BRINP3: variants seen among roughly 807,000 people sequenced by gnomAD.
BRINP3 encodes BMP/retinoic acid-inducible neural-specific protein 3.
A neutral mutation model predicts 71.0 loss-of-function variants in BRINP3; 19 were observed. The ratio of observed to expected loss-of-function variants is 0.27; its 90% confidence interval spans 0.19 to 0.39. BRINP3 has a LOEUF of 0.39. Ranked by LOEUF, BRINP3 falls within the 10% of genes least tolerant of loss-of-function variation. The pLI, the probability that BRINP3 is intolerant of heterozygous loss-of-function variation, is 1.00. For missense variants in BRINP3, 959 were observed against 940.8 expected, an observed-to-expected ratio of 1.02 and a Z score of -0.25; for synonymous variants, 380 against 337.7, an observed-to-expected ratio of 1.13 and a Z score of -1.37.
At chr1:190,144,249 C>T (rs932965963) in intron 7 of BRINP3, among the ~76,000 whole-genome samples, 1 of 152,122 alleles carries the variant, frequency 6.6e-6, no homozygotes, top group Non-Finnish European at 1.5e-5. Flanking sequence ...TCCCCCAGTG[C>T]TCATATAAAA....
chr1:190,396,705 AAT>A (rs1328417018), intron 2 of BRINP3, among the ~76,000 whole-genome samples: 1 of 76,328 alleles, frequency 1.3e-5, no homozygotes, highest in African/African-American at 5.4e-5. Context: ...ATGCATTCCT[AAT>A]TTAATGATAT....
chr1:190,131,520 G>A (rs887783259), intron 7 of BRINP3, among the ~76,000 whole-genome samples: 4 of 151,932 alleles, frequency 2.6e-5, no homozygotes, highest in Admixed American at 1.3e-4. Context: ...AGTCTACAAG[G>A]TCTGTCTATT....
chr1:190,143,346 C>A (rs894401500), intron 7 of BRINP3, among the ~76,000 whole-genome samples: 2 of 152,106 alleles, frequency 1.3e-5, no homozygotes, highest in Admixed American at 1.3e-4. Context: ...GAAACAGATG[C>A]AGAAAATGTA....
At chr1:190,338,782 A>G (rs1168648163) in intron 2 of BRINP3, among the ~76,000 whole-genome samples, 1 of 151,930 alleles carries the variant, frequency 6.6e-6, no homozygotes, top group African/African-American at 2.4e-5. Context: ...ATGTAAGATA[A>G]TGTAATTTTA....
rs537981554 is a variant in BRINP3, at chr1:190,098,492, G to C, written c.1827C>G (p.Asn609Lys). The C allele has an allele frequency of 6.2e-7, 1 of 1,614,130 alleles. No homozygotes were observed. The highest frequency in any genetic ancestry group is 1.1e-5 in the South Asian group (1 of 91,088). ...TKLDLPLQCYNWTLTLGNKWK... is the reference protein window; with the variant it reads ...TKLDLPLQCYKWTLTLGNKWK... ...ATTTGTTCCCCAGAGTTAATGTCCA[G>C]TTATAACACTGCAGGGGTAGGTCCA... is the stretch of plus-strand genomic sequence containing the variant. The change falls in exon 8 of 8, where the codon AAC becomes AAG. Residue 609 changes from asparagine (N) to lysine (K), a missense_variant. Coordinates refer to ENST00000367462, the MANE Select transcript of BRINP3 (RefSeq NM_199051.3).
At chr1:190,267,642 C>T (rs554371290) in intron 3 of BRINP3, among the ~76,000 whole-genome samples, 1 of 152,010 alleles carries the variant, frequency 6.6e-6, no homozygotes, top group African/African-American at 2.4e-5. Context: ...TAGCTTCTTT[C>T]AGGAGAAAAA....
chr1:190,323,791 T>C (rs1239406490), intron 2 of BRINP3, among the ~76,000 whole-genome samples: 1 of 151,830 alleles, frequency 6.6e-6, no homozygotes, highest in Non-Finnish European at 1.5e-5. Flanking sequence ...ACCAAAGATA[T>C]TGTAAGAGAA....
rs1675606069 is a variant in BRINP3, at chr1:190,451,518, TA to T, written c.236+3136del. Among the ~76,000 whole-genome samples, 3 of 151,848 alleles carry T rather than the reference TA, an allele frequency of 2.0e-5. No individual in the cohort carries two copies. The South Asian group carries it at 6.3e-4, about 32-fold the overall frequency. On this transcript the variant is annotated intron_variant, in intron 2 of 7. Transcript: ENST00000367462. The stretch of plus-strand genomic sequence containing the variant: ...TGTCCCCCTGTTCTATGCGGCAGAG[TA>T]GACAAAATTTCTCCAGGAATAGCTC...
At chr1:190,384,820 A>T (rs1670779151) in intron 2 of BRINP3, among the ~76,000 whole-genome samples, 1 of 151,962 alleles carries the variant, frequency 6.6e-6, no homozygotes. Context: ...ATTATATTGT[A>T]ATAGATTATT....
intron 3 of BRINP3, among the ~76,000 whole-genome samples, chr1:190,265,529 G>A (rs1465305858): frequency 8.8e-6 from 1 of 113,696 alleles, no homozygotes; most frequent in African/African-American, 3.1e-5. Flanking sequence ...GTGAAACCCC[G>A]TCTCTACTAA....
intron 2 of BRINP3, among the ~76,000 whole-genome samples, chr1:190,412,418 C>T (rs1326277506): frequency 7.1e-6 from 1 of 141,124 alleles, no homozygotes; most frequent in South Asian, 2.2e-4. Flanking sequence ...TATATATACA[C>T]TTTTTTTTAC....
At chr1:190,231,349 C>G (rs1365094389) in intron 5 of BRINP3, among the ~76,000 whole-genome samples, 1 of 151,672 alleles carries the variant, frequency 6.6e-6, no homozygotes, top group Non-Finnish European at 1.5e-5. Context: ...ACTCATGAAC[C>G]ATCATTAAAA....
intron 2 of BRINP3, among the ~76,000 whole-genome samples, chr1:190,450,681 A>C (rs1675547648): frequency 6.6e-6 from 1 of 152,066 alleles, no homozygotes; most frequent in African/African-American, 2.4e-5. Context: ...AATATTATGA[A>C]GTTTTTTTCC....
chr1:190,336,384 T>C (rs1037030665), intron 2 of BRINP3, among the ~76,000 whole-genome samples: 1 of 152,098 alleles, frequency 6.6e-6, no homozygotes, highest in African/African-American at 2.4e-5. Context: ...ATAAACTATA[T>C]ATGAGTCAAA....
At chr1:190,105,983 A>G (rs1652127443) in intron 7 of BRINP3, among the ~76,000 whole-genome samples, 1 of 151,966 alleles carries the variant, frequency 6.6e-6, no homozygotes. Context: ...TCTATCAAAG[A>G]TTACTGTCAA....
intron 7 of BRINP3, chr1:190,153,969 G>A (rs1041942514): frequency 9.5e-6 from 5 of 528,474 alleles, no homozygotes; most frequent in Non-Finnish European, 1.2e-5. Context: ...ATACAAAATG[G>A]AATTTTATTC....
At chr1:190,394,062 G>A (rs1671421769) in intron 2 of BRINP3, among the ~76,000 whole-genome samples, 1 of 151,230 alleles carries the variant, frequency 6.6e-6, no homozygotes, top group Non-Finnish European at 1.5e-5. Context: ...CAACTATATT[G>A]AATTTTTAAT....
chr1:190,460,929 A>G (rs1676353187), intron 1 of BRINP3, among the ~76,000 whole-genome samples: 1 of 152,158 alleles, frequency 6.6e-6, no homozygotes, highest in Non-Finnish European at 1.5e-5. Context: ...TGATCAGCTC[A>G]TAGTATACGC....
chr1:190,233,081 C>T (rs1445172979), intron 5 of BRINP3, among the ~76,000 whole-genome samples: 2 of 151,930 alleles, frequency 1.3e-5, no homozygotes, highest in African/African-American at 2.4e-5. Context: ...TAAATTTAAA[C>T]AATTCAATGT....
Sources: allele counts gnomAD v4.1 joint callset (sites outside exome capture counted in the v4.1 genomes callset), GRCh38; gene constraint gnomAD v4.1.1; transcripts MANE v1.5; gene names NCBI Gene and HGNC (gene_info 2026-07-23, HGNC 2026-07-21).